KCNQ2: variants seen among roughly 807,000 people sequenced by gnomAD.
The protein encoded by KCNQ2 is potassium voltage-gated channel subfamily Q member 2.
A neutral mutation model predicts 84.8 loss-of-function variants in KCNQ2; 14 were observed. That is an observed-to-expected ratio of 0.17 (90% CI 0.11 to 0.26). KCNQ2 has a LOEUF of 0.26. Among genes scored for constraint, KCNQ2 ranks in the 10% least tolerant of loss-of-function variants. KCNQ2 has a pLI of 1.00. For missense variants in KCNQ2, 788 were observed against 1,254.0 expected, an observed-to-expected ratio of 0.63 and a Z score of 5.61; for synonymous variants, 599 against 554.1, an observed-to-expected ratio of 1.08 and a Z score of -1.14.
At chr20:63,439,506 A>T in intron 6 of KCNQ2, 92 bp downstream of exon 6, 1 of 951,420 alleles carries the variant, frequency 1.1e-6, no homozygotes, top group South Asian at 1.3e-5. Context: ...CCCAGGTCCC[A>T]CCTAGGGAAC....
In KCNQ2 at chr20:63,413,662, A is replaced by C. The variant is rs2080195678; in HGVS notation, c.1632-81T>G. ...CACCAGGACCTTCCTAGCACCTCTG[A>C]GACCTCGGCGCCTGGAGATGGCTGG... On this transcript the variant is annotated intron_variant, in intron 14 of 16. Transcript: ENST00000359125. 3.3e-6 allele frequency: 5 copies of C among 1,536,498 alleles called. No homozygotes were observed. In the South Asian group the frequency reaches 5.6e-5, roughly 17 times the overall value.
In KCNQ2 at chr20:63,406,338, C is replaced by T. The variant is rs2079930253; in HGVS notation, c.*306G>A. ...CAACACCCCGTCATCACTCCCGCCCCTCCTCACACCGGGCTGATGTCGGCC... is the reference window on the plus strand; with the variant it reads ...CAACACCCCGTCATCACTCCCGCCCTTCCTCACACCGGGCTGATGTCGGCC... On this transcript the variant is annotated 3_prime_UTR_variant, in exon 17 of 17. Coordinates refer to ENST00000359125, the MANE Select transcript of KCNQ2 (RefSeq NM_172107.4). The T allele has an allele frequency of 5.1e-6, 2 of 390,002 alleles. No individual in the cohort carries two copies. The highest frequency in any genetic ancestry group is 9.4e-6 in the Non-Finnish European group (2 of 213,260). The allele number at this position is 390,002 out of a possible 1,614,324, so 24.2% of individuals were successfully genotyped here.
intron 15 of KCNQ2, chr20:63,410,010 C>G (rs921628927): frequency 3.5e-6 from 1 of 284,324 alleles, no homozygotes; most frequent in African/African-American, 2.3e-5. Flanking sequence ...TATCTTCTTT[C>G]TGTTGCGAGA....
intron 5 of KCNQ2, among the ~76,000 whole-genome samples, chr20:63,441,521 A>G (rs960767687): frequency 1.3e-5 from 2 of 152,140 alleles, no homozygotes; most frequent in African/African-American, 4.8e-5. Context: ...AATCGTAAAG[A>G]TAAGAAGGCT....
intron 15 of KCNQ2, among the ~76,000 whole-genome samples, chr20:63,412,452 C>A (rs1213615040): frequency 3.3e-5 from 5 of 152,228 alleles, no homozygotes; most frequent in African/African-American, 1.2e-4. Flanking sequence ...AGAGAGGACG[C>A]TGGGAAAGAG....
Position 63,406,614 on chromosome 20 carries a change from C to T in KCNQ2, c.*30G>A, listed in dbSNP as rs755670829. 26 of 1,566,394 alleles carry T rather than the reference C, an allele frequency of 1.7e-5. No individual in the cohort carries two copies. The Admixed American group carries it at 2.5e-4, about 15-fold the overall frequency. On this transcript the variant is annotated 3_prime_UTR_variant, in exon 17 of 17. Transcript: ENST00000359125. ...TCGGAGGCACCGTGCTGAGGAGGGC[C>T]GCGGGCGGGTCCACTGGCCCAGCGC... is the stretch of plus-strand genomic sequence containing the variant.
At chr20:63,442,216 C>T (rs913503994) in intron 5 of KCNQ2, among the ~76,000 whole-genome samples, 190 bp downstream of exon 5, 1 of 150,526 alleles carries the variant, frequency 6.6e-6, no homozygotes, top group African/African-American at 2.4e-5. Flanking sequence ...GCCCAGCCCT[C>T]CCCACCCACT....
Position 63,442,433 on chromosome 20 carries a change from G to A in KCNQ2, c.789C>T (p.Thr263=). Residue 263 remains threonine, a synonymous_variant, in exon 5 of 17, where the codon ACC becomes ACT. Coordinates refer to ENST00000359125, the MANE Select transcript of KCNQ2 (RefSeq NM_172107.4). ...AEKGENDHFD[T]YADALWWGLI... ...GGCCCCACCAGAGTGCATCCGCGTA[G>A]GTGTCAAAGTGGTCGTTCTCCCCCT... The A allele has an allele frequency of 6.2e-7, 1 of 1,613,836 alleles. No homozygotes were observed. Among genetic ancestry groups the A allele is most frequent in the Non-Finnish European group, 8.5e-7 (1 of 1,179,946 alleles).
In KCNQ2 at chr20:63,408,445, T is replaced by C; in HGVS notation, c.1855A>G (p.Met619Val). 1.2e-6 allele frequency: 2 copies of C among 1,609,634 alleles called. No homozygotes were observed. Among genetic ancestry groups the C allele is most frequent in the East Asian group, 2.2e-5 (1 of 44,746 alleles). Residue 619 changes from methionine to valine, a missense_variant, in exon 16 of 17, where the codon ATG (methionine) becomes GTG (valine). Met to Val is a conservative substitution (Grantham distance 21). Transcript: ENST00000359125. This position sits in a 1 kb window ranked among gnomAD's most constrained non-coding sequence, Gnocchi z 5.0. Reference protein sequence around the residue: ...AEAELPEDPSMMGRLGKVEKQ... With the variant: ...AEAELPEDPSVMGRLGKVEKQ... ...TCCACCTTCCCGAGCCGTCCCATCA[T>C]GCTGGGGTCCTCGGGCAGCTCCGCC...
In KCNQ2 at chr20:63,445,400, T is replaced by TG. The variant is rs769755951; in HGVS notation, c.388-37dup. ...GGAAAGCTGAGGCCACCTTGAGGCCTGGGGGAGGGCCTGGGGGCCCAGCCT... is the reference window on the plus strand; with the variant it reads ...GGAAAGCTGAGGCCACCTTGAGGCCTGGGGGGAGGGCCTGGGGGCCCAGCCT... On this transcript the variant is annotated intron_variant, in intron 2 of 16. Coordinates refer to ENST00000359125, the MANE Select transcript of KCNQ2 (RefSeq NM_172107.4). The TG allele has an allele frequency of 2.2e-5, 36 of 1,610,280 alleles. No homozygotes were observed. The Admixed American group carries it at 5.3e-4, about 24-fold the overall frequency.
intron 7 of KCNQ2, among the ~76,000 whole-genome samples, chr20:63,436,403 T>C (rs866278847): frequency 2.4e-4 from 36 of 152,054 alleles, no homozygotes; most frequent in East Asian, 1.2e-3. Context: ...TGGTGGTGGG[T>C]GCCTGTAGTC....
At chr20:63,413,300 GAC>G (rs2080179295) in intron 15 of KCNQ2, 148 bp downstream of exon 15, 1 of 806,326 alleles carries the variant, frequency 1.2e-6, no homozygotes, top group Non-Finnish European at 2.0e-6. Flanking sequence ...ACTTTGTGAA[GAC>G]ACAACAGAAG....
At chr20:63,458,811 C>A (rs923648575) in intron 1 of KCNQ2, among the ~76,000 whole-genome samples, 1 of 152,210 alleles carries the variant, frequency 6.6e-6, no homozygotes, top group Non-Finnish European at 1.5e-5. Flanking sequence ...AGGCCTGGGG[C>A]CCACACTCAG....
chr20:63,413,686 G>A lies in KCNQ2; in HGVS notation c.1632-105C>T. Reference sequence around the variant, plus strand: ...GAGACCTCGGCGCCTGGAGATGGCTGGACTTGCCCCTCTTGTCTGCCGCCC... The same window carrying A: ...GAGACCTCGGCGCCTGGAGATGGCTAGACTTGCCCCTCTTGTCTGCCGCCC... On this transcript the variant is annotated intron_variant, in intron 14 of 16. Transcript: ENST00000359125. The A allele has an allele frequency of 2.3e-6, 3 of 1,331,154 alleles. No individual in the cohort carries two copies. In the South Asian group the frequency reaches 3.6e-5, roughly 16 times the overall value. 82.5% of individuals were successfully genotyped at this position (1,331,154 alleles called of 1,614,324 possible). A position where few individuals can be genotyped will look rare whatever the true frequency, so the allele number is the denominator to read the frequency against.
In KCNQ2 at chr20:63,438,926, C is replaced by T. The variant is rs927424905; in HGVS notation, c.928-206G>A. Reference sequence around the variant, plus strand: ...CCCAGTTCATCAGGGTCAGACCCGTCTCCACCGATCCATGCCTCCCCCACC... The same window carrying T: ...CCCAGTTCATCAGGGTCAGACCCGTTTCCACCGATCCATGCCTCCCCCACC... On this transcript the variant is annotated intron_variant, in intron 6 of 16. Coordinates refer to ENST00000359125, the MANE Select transcript of KCNQ2 (RefSeq NM_172107.4). This position sits in a 1 kb window ranked among gnomAD's most constrained non-coding sequence, Gnocchi z 5.1. Among the ~76,000 whole-genome samples, 5 of 151,980 alleles carry T rather than the reference C, an allele frequency of 3.3e-5. No individual in the cohort carries two copies. Among genetic ancestry groups the T allele is most frequent in the East Asian group, 1.9e-4 (1 of 5,170 alleles).
rs548507063 is a variant in KCNQ2, at chr20:63,413,433, G to T, written c.1763+17C>A. 27 of 1,612,648 alleles carry T rather than the reference G, an allele frequency of 1.7e-5. No individual in the cohort carries two copies. The South Asian group carries it at 3.0e-4, about 18-fold the overall frequency. The stretch of plus-strand genomic sequence containing the variant: ...CCCGTTCTTGTCCCCTGCTGGACAG[G>T]CAGGCGGGGCTCTTGCCTGGACTGC... On this transcript the variant is annotated intron_variant, in intron 15 of 16. Transcript: ENST00000359125.
chr20:63,453,111 C>T (rs1021788235), intron 1 of KCNQ2, among the ~76,000 whole-genome samples: 12 of 152,168 alleles, frequency 7.9e-5, no homozygotes, highest in Non-Finnish European at 1.5e-4. Context: ...CCCTATCCAG[C>T]TGCCGCCCCG....
At chr20:63,424,780 T>C (rs1479202219) in intron 10 of KCNQ2, among the ~76,000 whole-genome samples, 3 of 152,234 alleles carry the variant, frequency 2.0e-5, no homozygotes, top group Non-Finnish European at 4.4e-5. Flanking sequence ...CGGCGTCTCA[T>C]CTGGGGCTGT....
intron 10 of KCNQ2, 168 bp from the exon 11 acceptor site, chr20:63,424,374 C>A (rs916298917): frequency 1.3e-6 from 1 of 758,170 alleles, no homozygotes. Flanking sequence ...AGAGAGCCCA[C>A]GGCCCCAGGA....
Sources: allele counts gnomAD v4.1 joint callset (sites outside exome capture counted in the v4.1 genomes callset), GRCh38; gene constraint gnomAD v4.1.1; non-coding constraint Gnocchi (gnomAD v3.1); transcripts MANE v1.5; gene names NCBI Gene and HGNC (gene_info 2026-07-23, HGNC 2026-07-21).